The following NARS1 variants were observed in gnomAD, a reference collection of about 807,000 sequenced individuals.
NARS1 encodes asparagine--tRNA ligase, cytoplasmic.
NARS1 carries 65 observed loss-of-function variants against 79.2 expected under a neutral mutation model. The observed-to-expected ratio is 0.82, with a 90% CI of 0.67 to 1.01. The LOEUF (loss-of-function observed/expected upper bound fraction) is 1.01. Among genes scored for constraint, NARS1 ranks in the 50% least tolerant of loss-of-function variants. The probability of loss-of-function intolerance (pLI) is 0.00; values close to 1 mark genes in which losing one functional copy is unlikely to be tolerated. For synonymous variants in NARS1, 229 were observed against 238.8 expected, an observed-to-expected ratio of 0.96 and a Z score of 0.38; for missense variants, 649 against 673.8, an observed-to-expected ratio of 0.96 and a Z score of 0.41.
Position 57,603,474 on chromosome 18 carries a change from C to A in NARS1, c.1252-531G>T, listed in dbSNP as rs570461796. Among the ~76,000 whole-genome samples the A allele has an allele frequency of 2.0e-5, 3 of 152,256 alleles. No individual in the cohort carries two copies. The South Asian group carries it at 6.2e-4, about 32-fold the overall frequency. ...TCAGTTATGCCTTCGATGACAGACA[C>A]AATCATAAGACAAATAACCAATGTC... is the stretch of plus-strand genomic sequence containing the variant. On this transcript the variant is annotated intron_variant, in intron 11 of 13. Transcript: ENST00000256854.
intron 7 of NARS1, among the ~76,000 whole-genome samples, chr18:57,608,452 A>T (rs985768971): frequency 2.8e-4 from 42 of 151,540 alleles, no homozygotes; most frequent in African/African-American, 8.7e-4. Flanking sequence ...AAAAAAAAAA[A>T]AAAAAACAAT....
intron 4 of NARS1, among the ~76,000 whole-genome samples, chr18:57,615,381 A>G (rs1262945579): frequency 6.6e-6 from 1 of 151,970 alleles, no homozygotes; most frequent in Non-Finnish European, 1.5e-5. Flanking sequence ...GGGCGCCTGT[A>G]GTCCCAGCTA....
At chr18:57,607,858 C>T (rs1477965325) in intron 7 of NARS1, among the ~76,000 whole-genome samples, 193 bp from the exon 8 acceptor site, 1 of 148,216 alleles carries the variant, frequency 6.7e-6, no homozygotes, top group Non-Finnish European at 1.5e-5. Context: ...CACTCACATA[C>T]ACACAAATAT....
chr18:57,605,534 G>T (rs1369777194), intron 11 of NARS1, among the ~76,000 whole-genome samples: 1 of 151,112 alleles, frequency 6.6e-6, no homozygotes, highest in African/African-American at 2.4e-5. Context: ...TTGAATCCAG[G>T]AGGCGGAGGT....
chr18:57,604,858 C>T (rs2051540062), intron 11 of NARS1, among the ~76,000 whole-genome samples: 1 of 152,108 alleles, frequency 6.6e-6, no homozygotes, highest in African/African-American at 2.4e-5. Context: ...CAATGCATTC[C>T]AGCCTGGACG....
Position 57,609,395 on chromosome 18 carries a change from C to T in NARS1, c.541G>A (p.Val181Met), listed in dbSNP as rs1278819843. 4 of 1,614,104 alleles carry T rather than the reference C, an allele frequency of 2.5e-6. No homozygotes were observed. Among genetic ancestry groups the T allele is most frequent in the Non-Finnish European group, 3.4e-6 (4 of 1,180,006 alleles). The change falls in exon 7 of 14, where the codon GTG becomes ATG. Residue 181 changes from valine (V) to methionine (M), a missense_variant. Transcript: ENST00000256854. The stretch of plus-strand genomic sequence containing the variant: ...GGGGTAAGATTTAGCATTCCATACA[C>T]TGCAACACTGCTCTCCGTGGACAAG... Reference protein sequence around the residue: ...VLLSTESSVAVYGMLNLTPKG... With the variant: ...VLLSTESSVAMYGMLNLTPKG...
intron 2 of NARS1, among the ~76,000 whole-genome samples, chr18:57,616,969 A>T: frequency 6.7e-6 from 1 of 148,324 alleles, no homozygotes; most frequent in Admixed American, 7.0e-5. Context: ...AAAAAAAAAA[A>T]AAAAAAAGAG....
rs976688001 is a variant in NARS1, at chr18:57,607,149, C to T, written c.986G>A (p.Arg329Gln). ...QSYRAEQSRT[R>Q]RHLAEYTHVE... ...AACTTCATACTCAGCCAGGTGCCTT[C>T]GTGTTCTGGACTGCTCTGCCCGGTA... The change falls in exon 9 of 14, where the codon CGA becomes CAA. Residue 329 changes from arginine to glutamine, a missense_variant. Arg to Gln is a conservative substitution (Grantham distance 43). Coordinates refer to ENST00000256854, the MANE Select transcript of NARS1 (RefSeq NM_004539.4). The T allele has an allele frequency of 4.3e-6, 7 of 1,613,162 alleles. No homozygotes were observed. The highest frequency in any genetic ancestry group is 5.9e-6 in the Non-Finnish European group (7 of 1,179,430).
intron 6 of NARS1, among the ~76,000 whole-genome samples, chr18:57,611,143 T>G (rs2051601720): frequency 6.6e-6 from 1 of 151,890 alleles, no homozygotes; most frequent in African/African-American, 2.4e-5. Context: ...GTTTTTGTAT[T>G]TTTTGTAGAG....
chr18:57,607,919 G>A (rs1465805993), intron 7 of NARS1, among the ~76,000 whole-genome samples: 2 of 149,872 alleles, frequency 1.3e-5, no homozygotes, highest in East Asian at 2.0e-4. Flanking sequence ...CCAGGCTGGA[G>A]TGCAGTGACG....
At chr18:57,620,925 T>C (rs1208320006) in intron 1 of NARS1, among the ~76,000 whole-genome samples, 1 of 152,212 alleles carries the variant, frequency 6.6e-6, no homozygotes, top group East Asian at 1.9e-4. Context: ...AAATAAAATA[T>C]GGGCTTTGAA....
At chr18:57,602,231 A>G in intron 13 of NARS1, 124 bp downstream of exon 13, 1 of 886,192 alleles carries the variant, frequency 1.1e-6, no homozygotes, top group Non-Finnish European at 1.7e-6. Context: ...TATAACCTGC[A>G]AACTGAATAT....
At chr18:57,606,936 T>C (rs1468010643) in intron 9 of NARS1, 185 bp from the exon 10 acceptor site, 2 of 907,246 alleles carry the variant, frequency 2.2e-6, no homozygotes, top group East Asian at 5.2e-5. Context: ...CTCCTTTATA[T>C]ATAAAAGATC....
Position 57,601,530 on chromosome 18 carries a change from G to T in NARS1, c.*122C>A. On this transcript the variant is annotated 3_prime_UTR_variant, in exon 14 of 14. Coordinates refer to ENST00000256854, the MANE Select transcript of NARS1 (RefSeq NM_004539.4). ...ATTTGAGATAGTTTTTATGGTAGTAGAAAGAAAAACAGAAAGAGAAACCCC... is the reference window on the plus strand; with the variant it reads ...ATTTGAGATAGTTTTTATGGTAGTATAAAGAAAAACAGAAAGAGAAACCCC... 9.9e-7 allele frequency: 1 copy of T among 1,006,986 alleles called. No homozygotes were observed. Among genetic ancestry groups the T allele is most frequent in the Non-Finnish European group, 1.4e-6 (1 of 720,888 alleles). The allele number at this position is 1,006,986 out of a possible 1,614,324, so 62.4% of individuals were successfully genotyped here. A position where few individuals can be genotyped will look rare whatever the true frequency, so the allele number is the denominator to read the frequency against.
At chr18:57,602,203 A>C (rs1024776175) in intron 13 of NARS1, 152 bp downstream of exon 13, 13 of 693,392 alleles carry the variant, frequency 1.9e-5, no homozygotes, top group Non-Finnish European at 2.8e-5. Flanking sequence ...CAAAGCTGGC[A>C]ATATTCACAC....
At chr18:57,611,567 G>T in intron 6 of NARS1, 70 bp downstream of exon 6, 1 of 1,006,462 alleles carries the variant, frequency 9.9e-7, no homozygotes, top group Non-Finnish European at 1.5e-6. Flanking sequence ...TTAAATAAAT[G>T]TATACAAAAC....
chr18:57,612,268 A>T (rs950188471), intron 5 of NARS1, among the ~76,000 whole-genome samples: 1 of 152,208 alleles, frequency 6.6e-6, no homozygotes, highest in Admixed American at 6.5e-5. Context: ...ACATGAGTTA[A>T]GGGATTATGC....
chr18:57,611,519 T>C, intron 6 of NARS1, 118 bp downstream of exon 6: 1 of 648,130 alleles, frequency 1.5e-6, no homozygotes, highest in African/African-American at 2.0e-5. Flanking sequence ...ATGTGATGTT[T>C]TGATTCATTG....
At chr18:57,617,429 G>A (rs12960742) in intron 2 of NARS1, among the ~76,000 whole-genome samples, 93 of 151,640 alleles carry the variant, frequency 6.1e-4, no homozygotes, top group Non-Finnish European at 1.1e-3. Context: ...AAAATTAGCC[G>A]GGTGTGGTGG....
Sources: allele counts gnomAD v4.1 joint callset (sites outside exome capture counted in the v4.1 genomes callset), GRCh38; gene constraint gnomAD v4.1.1; transcripts MANE v1.5; gene names NCBI Gene and HGNC (gene_info 2026-07-23, HGNC 2026-07-21).